Variants in ECM2 observed in about 807,000 individuals in gnomAD.
The protein encoded by ECM2 is extracellular matrix protein 2, female organ and adipocyte specific.
ECM2 carries 57 observed loss-of-function variants against 67.5 expected under a neutral mutation model. The observed-to-expected ratio is 0.84, with a 90% CI of 0.68 to 1.05. The LOEUF is 1.05. Ranked by LOEUF, ECM2 falls within the 50% of genes least tolerant of loss-of-function variation. ECM2 has a pLI of 0.00. For synonymous variants in ECM2, 258 were observed against 294.5 expected (o/e 0.88, Z 1.27); for missense variants, 741 against 822.8 (o/e 0.90, Z 1.22).
intron 5 of ECM2, among the ~76,000 whole-genome samples, chr9:92,510,644 C>T (rs906466885): frequency 2.0e-5 from 3 of 152,196 alleles, no homozygotes; most frequent in African/African-American, 7.2e-5. Flanking sequence ...TAGCCTGTAC[C>T]CCCACAAGTG....
chr9:92,494,118 T>A, downstream of ECM2: 1 of 1,598,004 alleles, frequency 6.3e-7, no homozygotes, highest in Non-Finnish European at 8.5e-7. Flanking sequence ...GATCTGTTTG[T>A]CACTGTCTCT....
chr9:92,545,221 GACC>G, the ECM2 span, among the ~76,000 whole-genome samples: 1 of 151,982 alleles, frequency 6.6e-6, no homozygotes, highest in Non-Finnish European at 1.5e-5. Flanking sequence ...AGCCGGCTCG[GACC>G]TGGGATGGCC....
intron 7 of ECM2, 126 bp from the exon 8 acceptor site, chr9:92,502,778 C>T: frequency 1.8e-6 from 1 of 544,288 alleles, no homozygotes; most frequent in Non-Finnish European, 2.9e-6. Context: ...ACTGCTCTTT[C>T]AAGTAAGCTC....
intron 6 of ECM2, among the ~76,000 whole-genome samples, chr9:92,509,405 T>G (rs2131183703): frequency 6.6e-6 from 1 of 152,314 alleles, no homozygotes; most frequent in South Asian, 2.1e-4. Context: ...CTTAGTTTTG[T>G]TTTTAGGTTC....
At position 92,496,179 on chromosome 9, in the gene ECM2, T is replaced by G; in HGVS notation, c.*136A>C. On this transcript the variant is annotated 3_prime_UTR_variant, in exon 10 of 10. Coordinates refer to ENST00000344604, the MANE Select transcript of ECM2 (RefSeq NM_001393.4). Reference sequence around the variant, plus strand: ...TAGGTATATTTTGGTTGTTCATCTGTGTGTTAGTGAATCAGGTTGACTAGC... The same window carrying G: ...TAGGTATATTTTGGTTGTTCATCTGGGTGTTAGTGAATCAGGTTGACTAGC... The G allele has an allele frequency of 7.2e-7, 1 of 1,387,160 alleles. No homozygotes were observed. Among genetic ancestry groups the G allele is most frequent in the Non-Finnish European group, 9.3e-7 (1 of 1,076,988 alleles). 85.9% of individuals were successfully genotyped at this position (1,387,160 alleles called of 1,614,324 possible).
chr9:92,522,054 G>A (rs1237093368), intron 2 of ECM2, among the ~76,000 whole-genome samples: 2 of 151,960 alleles, frequency 1.3e-5, no homozygotes, highest in Non-Finnish European at 1.5e-5. Context: ...GTTGTTTTTG[G>A]TTTTTTGGGG....
intron 8 of ECM2, among the ~76,000 whole-genome samples, chr9:92,501,806 C>G (rs1483096551): frequency 2.0e-5 from 3 of 152,224 alleles, no homozygotes; most frequent in Non-Finnish European, 4.4e-5. Context: ...CCAGGACACG[C>G]AATCCCAGAT....
the ECM2 span, among the ~76,000 whole-genome samples, chr9:92,558,501 G>A: frequency 6.6e-6 from 1 of 152,194 alleles, no homozygotes; most frequent in Admixed American, 6.5e-5. Context: ...CCATCTATGG[G>A]TCTCTCAGCC....
chr9:92,499,135 C>T (rs1178502804), intron 9 of ECM2, among the ~76,000 whole-genome samples: 1 of 152,188 alleles, frequency 6.6e-6, no homozygotes, highest in African/African-American at 2.4e-5. Flanking sequence ...ACACAAGAGC[C>T]AGTTTGAATG....
chr9:92,497,874 TAAAAA>T (rs71362393), intron 9 of ECM2, among the ~76,000 whole-genome samples: 2 of 134,878 alleles, frequency 1.5e-5, no homozygotes, highest in Non-Finnish European at 3.2e-5. Flanking sequence ...GCTGGTTGTT[TAAAAA>T]AAAAAAAAAA....
intron 1 of ECM2, among the ~76,000 whole-genome samples, chr9:92,530,240 AG>A (rs1332192687): frequency 6.6e-6 from 1 of 152,174 alleles, no homozygotes; most frequent in Non-Finnish European, 1.5e-5. Flanking sequence ...TCAAAACCCA[AG>A]AATACAGAGT....
At chr9:92,494,680 G>A (rs151183195), downstream of ECM2, among the ~76,000 whole-genome samples, 4,750 of 152,086 alleles carry the variant, frequency 0.031, 115 homozygotes, top group South Asian at 0.083. Context: ...AGGCCGAGGC[G>A]GTCTTATCAC....
chr9:92,500,597 T>G, intron 9 of ECM2, 130 bp downstream of exon 9: 3 of 857,828 alleles, frequency 3.5e-6, no homozygotes, highest in Non-Finnish European at 5.3e-6. Context: ...TTGCCAATCT[T>G]GTTTAATCCA....
Position 92,500,885 on chromosome 9 carries a change from G to T in ECM2, c.1773C>A (p.Asn591Lys). 1 of 1,614,152 alleles carries T rather than the reference G, an allele frequency of 6.2e-7. No homozygotes were observed. Among genetic ancestry groups the T allele is most frequent in the Non-Finnish European group, 8.5e-7 (1 of 1,180,014 alleles). The change falls in exon 9 of 10, where the codon AAC becomes AAA. Residue 591 changes from asparagine (N) to lysine (K), a missense_variant. Transcript: ENST00000344604. ...PGLEYLYLSF[N>K]KLADDGMDRV... Reference sequence around the variant, plus strand: ...GGTCCATGCCATCATCAGCAAGTTTGTTAAATGACAGGTACAAGTATTCCA... The same window carrying T: ...GGTCCATGCCATCATCAGCAAGTTTTTTAAATGACAGGTACAAGTATTCCA...
chr9:92,510,899 T>C (rs1847293328), intron 5 of ECM2, among the ~76,000 whole-genome samples: 1 of 152,172 alleles, frequency 6.6e-6, no homozygotes, highest in South Asian at 2.1e-4. Context: ...CCCTTTTATC[T>C]GCCAGACTCC....
intron 6 of ECM2, among the ~76,000 whole-genome samples, chr9:92,507,178 C>T (rs952092938): frequency 6.6e-6 from 1 of 152,266 alleles, no homozygotes; most frequent in African/African-American, 2.4e-5. Flanking sequence ...AAAGGTTAAC[C>T]TGGTGGTGGT....
chr9:92,558,720 G>T, the ECM2 span, among the ~76,000 whole-genome samples: 1 of 152,146 alleles, frequency 6.6e-6, no homozygotes, highest in Non-Finnish European at 1.5e-5. Flanking sequence ...TAGGCCCTTT[G>T]TCTTCAGCTA....
At chr9:92,538,181 C>A (rs1003306510), upstream of ECM2, among the ~76,000 whole-genome samples, 9 of 152,056 alleles carry the variant, frequency 5.9e-5, no homozygotes, top group Admixed American at 5.9e-4. Flanking sequence ...AAAAGTTAAC[C>A]CAGTTGTGTA....
chr9:92,546,606 G>A, the ECM2 span, among the ~76,000 whole-genome samples: 43 of 152,116 alleles, frequency 2.8e-4, no homozygotes, highest in South Asian at 8.5e-3. Context: ...AAAAAACTCC[G>A]AACACACTGG....
Sources: allele counts gnomAD v4.1 joint callset (sites outside exome capture counted in the v4.1 genomes callset), GRCh38; gene constraint gnomAD v4.1.1; transcripts MANE v1.5; gene names NCBI Gene and HGNC (gene_info 2026-07-23, HGNC 2026-07-21).